OIT3: variants seen among roughly 807,000 people sequenced by gnomAD.
OIT3 encodes oncoprotein-induced transcript 3 protein.
OIT3 carries 41 observed loss-of-function variants against 52.2 expected under a neutral mutation model. That is an observed-to-expected ratio of 0.79 (90% CI 0.61 to 1.02). OIT3 has a LOEUF of 1.02. Among genes scored for constraint, OIT3 ranks in the 50% least tolerant of loss-of-function variants. The pLI, the probability that OIT3 is intolerant of heterozygous loss-of-function variation, is 0.00. For synonymous variants in OIT3, 244 were observed against 276.9 expected (o/e 0.88, Z 1.18); for missense variants, 634 against 715.5 (o/e 0.89, Z 1.30).
At position 72,924,259 on chromosome 10, in the gene OIT3, C is replaced by T. The variant is rs141733196; in HGVS notation, c.982C>T (p.Leu328Phe). The T allele has an allele frequency of 4.7e-5, 76 of 1,604,588 alleles. No homozygotes were observed. The highest frequency in any genetic ancestry group is 3.3e-4 in the Middle Eastern group (2 of 6,046). The change falls in exon 7 of 9, where the codon CTC becomes TTC. Residue 328 changes from leucine (L) to phenylalanine (F), a missense_variant. By Grantham distance (22) the Leu-to-Phe change is conservative. Transcript: ENST00000334011. ...VVNDKIVASN[L>F]VTGLPKQTPG... The stretch of plus-strand genomic sequence containing the variant: ...GAATGACAAGATTGTGGCCAGCAAC[C>T]TCGTGACAGGTCTACCCAAGCAGAC...
chr10:72,917,969 C>T lies in OIT3; in HGVS notation c.951+4501C>T. On this transcript the variant is annotated intron_variant, in intron 6 of 8. Transcript: ENST00000334011. Reference sequence around the variant, plus strand: ...TCACTGGTGCTTTTTCTTCAGCTTCCTCATTATCTTCATCATTATCATCAT... The same window carrying T: ...TCACTGGTGCTTTTTCTTCAGCTTCTTCATTATCTTCATCATTATCATCAT... The T allele has an allele frequency of 3.5e-6, 3 of 847,534 alleles. No individual in the cohort carries two copies. In the Admixed American group the frequency reaches 5.2e-5, roughly 15 times the overall value. The allele number at this position is 847,534 out of a possible 1,614,324, so 52.5% of individuals were successfully genotyped here.
At position 72,911,858 on chromosome 10, in the gene OIT3, G is replaced by A. The variant is rs199865654; in HGVS notation, c.790+19G>A. ...TGCCAAGGTAGTACATGGGGCAGGG[G>A]GACTTGTCTCTACTCTGATTACACT... On this transcript the variant is annotated intron_variant, in intron 5 of 8. Transcript: ENST00000334011. 15 of 1,605,380 alleles carry A rather than the reference G, an allele frequency of 9.3e-6. No homozygotes were observed. The East Asian group carries it at 2.5e-4, about 26-fold the overall frequency.
At chr10:72,927,842 G>T (rs1021052810) in intron 7 of OIT3, among the ~76,000 whole-genome samples, 2 of 151,984 alleles carry the variant, frequency 1.3e-5, no homozygotes, top group African/African-American at 4.8e-5. Context: ...CTGGTTCTTC[G>T]AGATTCATGG....
intron 1 of OIT3, among the ~76,000 whole-genome samples, chr10:72,897,657 T>C (rs1297705510): frequency 6.6e-6 from 1 of 152,206 alleles, no homozygotes; most frequent in Non-Finnish European, 1.5e-5. Context: ...TTTCTAATAA[T>C]GCAAAATTCC....
Position 72,899,511 on chromosome 10 carries a change from C to T in OIT3, c.436+473C>T, listed in dbSNP as rs189446945. The stretch of plus-strand genomic sequence containing the variant: ...CCGGGAGGCTGAGGCAGGAGAATTG[C>T]TTGAACCCGGGAGGTGGACGTTGCG... On this transcript the variant is annotated intron_variant, in intron 2 of 8. Transcript: ENST00000334011. Among the ~76,000 whole-genome samples the T allele has an allele frequency of 4.5e-3, 686 of 151,084 alleles. 5 individuals carry two copies. The highest frequency in any genetic ancestry group is 0.016 in the African/African-American group (654 of 41,194).
chr10:72,921,291 T>C (rs1846119110), intron 6 of OIT3, among the ~76,000 whole-genome samples: 1 of 152,228 alleles, frequency 6.6e-6, no homozygotes, highest in Admixed American at 6.5e-5. Flanking sequence ...CCTCAATCCC[T>C]TTACTTTGAG....
intron 6 of OIT3, chr10:72,918,403 T>C: frequency 6.4e-6 from 5 of 783,720 alleles, no homozygotes; most frequent in Non-Finnish European, 1.1e-5. Context: ...CTGACTGTTT[T>C]TAAAGATAAC....
chr10:72,924,597 C>T lies in OIT3; in HGVS notation c.1320C>T (p.Pro440=). The change falls in exon 7 of 9, where the codon CCC becomes CCT. Residue 440 remains proline (P), a synonymous_variant. Coordinates refer to ENST00000334011, the MANE Select transcript of OIT3 (RefSeq NM_152635.3). The part of the protein sequence containing the change: ...ESLVESCFAT[P]TSKIDEVLKY... ...TGGTGGAGAGCTGCTTTGCCACCCC[C>T]ACCTCCAAGATCGACGAGGTCCTGA... The T allele has an allele frequency of 1.2e-6, 2 of 1,613,970 alleles. No individual in the cohort carries two copies. The highest frequency in any genetic ancestry group is 8.5e-7 in the Non-Finnish European group (1 of 1,179,924).
chr10:72,931,076 ATT>A (rs1341065301), intron 8 of OIT3, among the ~76,000 whole-genome samples: 4 of 152,176 alleles, frequency 2.6e-5, no homozygotes, highest in Non-Finnish European at 5.9e-5. Context: ...TACATATTAA[ATT>A]TATGAAAATT....
chr10:72,908,612 G>A (rs1846000874), intron 4 of OIT3, among the ~76,000 whole-genome samples: 6 of 151,994 alleles, frequency 3.9e-5, no homozygotes, highest in Admixed American at 3.9e-4. Flanking sequence ...AGTATCCAGA[G>A]TCCTCCTTAA....
intron 3 of OIT3, among the ~76,000 whole-genome samples, chr10:72,904,439 A>G (rs1286979048): frequency 3.3e-5 from 5 of 152,144 alleles, no homozygotes; most frequent in Non-Finnish European, 1.5e-5. Context: ...CACCATGTCT[A>G]CATCCAGGAA....
At chr10:72,918,312 G>A in intron 6 of OIT3, 1 of 772,938 alleles carries the variant, frequency 1.3e-6, no homozygotes, top group Non-Finnish European at 2.3e-6. Flanking sequence ...AGTTGCCAGT[G>A]TGACTTTAAT....
In OIT3 at chr10:72,921,363, C is replaced by T. The variant is rs188129723; in HGVS notation, c.952-2866C>T. ...AAGACAGCATACCAATGGGTCTGGACTCTTTATCCAGTTTGCCACTCTGTG... is the reference window on the plus strand; with the variant it reads ...AAGACAGCATACCAATGGGTCTGGATTCTTTATCCAGTTTGCCACTCTGTG... On this transcript the variant is annotated intron_variant, in intron 6 of 8. Coordinates refer to ENST00000334011, the MANE Select transcript of OIT3 (RefSeq NM_152635.3). 9.1e-4 allele frequency among the ~76,000 whole-genome samples: 138 copies of T among 152,314 alleles called. No individual in the cohort carries two copies. In the Middle Eastern group the frequency reaches 0.017, roughly 19 times the overall value.
chr10:72,897,307 AGCCACTGTGCCTG>A (rs1296698782), intron 1 of OIT3, among the ~76,000 whole-genome samples: 1 of 152,206 alleles, frequency 6.6e-6, no homozygotes, highest in Non-Finnish European at 1.5e-5. Flanking sequence ...TACAGGTGTG[AGCCACTGTGCCTG>A]GCCAAAATGT....
chr10:72,909,807 C>T (rs556127380), intron 4 of OIT3, among the ~76,000 whole-genome samples: 174 of 152,098 alleles, frequency 1.1e-3, no homozygotes, highest in African/African-American at 3.9e-3. Flanking sequence ...ACCATGTTAG[C>T]CAGGATGGTC....
chr10:72,930,210 G>T (rs1846203952), intron 7 of OIT3, among the ~76,000 whole-genome samples: 1 of 152,150 alleles, frequency 6.6e-6, no homozygotes, highest in Non-Finnish European at 1.5e-5. Flanking sequence ...ATTGCAAATG[G>T]AAAGACAGCC....
At chr10:72,904,187 C>G (rs1186223566) in intron 3 of OIT3, among the ~76,000 whole-genome samples, 1 of 152,160 alleles carries the variant, frequency 6.6e-6, no homozygotes, top group Non-Finnish European at 1.5e-5. Context: ...CTCAATCGAT[C>G]ATGACCCTCT....
rs1365480350 is a variant in OIT3, at chr10:72,893,836, C to G, written c.38C>G (p.Thr13Arg). The part of the protein sequence containing the change: ...PFLLLTCLFI[T>R]GTSVSPVALD... ...CTGCTTCTCACCTGCCTCTTCATCA[C>G]AGGCACCTCCGTGTCACCCGTGGGT... Residue 13 changes from threonine to arginine, a missense_variant, in exon 1 of 9, where the codon ACA becomes AGA. Coordinates refer to ENST00000334011, the MANE Select transcript of OIT3 (RefSeq NM_152635.3). The G allele has an allele frequency of 1.2e-6, 2 of 1,610,468 alleles. No individual in the cohort carries two copies. Among genetic ancestry groups the G allele is most frequent in the African/African-American group, 2.7e-5 (2 of 74,906 alleles).
At chr10:72,895,080 G>A (rs1373167868) in intron 1 of OIT3, among the ~76,000 whole-genome samples, 6 of 152,034 alleles carry the variant, frequency 3.9e-5, no homozygotes, top group Non-Finnish European at 8.8e-5. Context: ...GCCAATGTGT[G>A]GTAAATGTAT....
Sources: allele counts gnomAD v4.1 joint callset (sites outside exome capture counted in the v4.1 genomes callset), GRCh38; gene constraint gnomAD v4.1.1; transcripts MANE v1.5; gene names NCBI Gene and HGNC (gene_info 2026-07-23, HGNC 2026-07-21).